POTEC: variants seen among roughly 807,000 people sequenced by gnomAD.
POTEC encodes POTE ankyrin domain family member C, also known as ANKRD26-like family B member 2.
A neutral mutation model predicts 62.0 loss-of-function variants in POTEC; 35 were observed. The observed-to-expected ratio is 0.56, with a 90% confidence interval of 0.43 to 0.75. The LOEUF is 0.75. POTEC is among the 30% of genes least tolerant of loss of function. The probability of loss-of-function intolerance (pLI) is 0.00; values close to 1 mark genes in which losing one functional copy is unlikely to be tolerated. For missense variants in POTEC, 472 were observed against 655.9 expected, an observed-to-expected ratio of 0.72 and a Z score of 3.06; for synonymous variants, 156 against 221.5, an observed-to-expected ratio of 0.70 and a Z score of 2.62.
intron 8 of POTEC, among the ~76,000 whole-genome samples, 193 bp from the exon 9 acceptor site, chr18:14,522,613 C>A (rs191101309): frequency 2.2e-4 from 33 of 152,168 alleles, no homozygotes; most frequent in Admixed American, 2.0e-3. Context: ...ATTAGTATAT[C>A]ATTGAAATTT....
chr18:14,522,484 T>C, intron 8 of POTEC, 64 bp from the exon 9 acceptor site: 8 of 1,504,224 alleles, frequency 5.3e-6, no homozygotes, highest in Non-Finnish European at 7.1e-6. Flanking sequence ...ACCTTTTTAA[T>C]TGATTTTATC....
At position 14,524,958 on chromosome 18, in the gene POTEC, C is replaced by A. The variant is rs1910399578; in HGVS notation, c.1152G>T (p.Glu384Asp). ...TGACTTTAAGCCTTTGTGACTCTTC[C>A]TCTGATGTTAGCTTTAAGTCTTGTT... is the stretch of plus-strand genomic sequence containing the variant. ...NPEQDLKLTS[E>D]EESQRLKVSE... The change falls in exon 7 of 11, where the codon GAG becomes GAT. Residue 384 changes from glutamate to aspartate, a missense_variant. Glu to Asp is a conservative substitution (Grantham distance 45). Around this residue, in one of 5 missense-constraint regions of POTEC, gnomAD observed 83 missense variants for 254.3 expected, o/e 0.33. Transcript: ENST00000358970. The A allele has an allele frequency of 6.2e-7, 1 of 1,604,532 alleles. No individual in the cohort carries two copies. Among genetic ancestry groups the A allele is most frequent in the East Asian group, 2.2e-5 (1 of 44,512 alleles).
rs1909921325 is a variant in POTEC, at chr18:14,509,010, C to T, written c.*2888G>A. On this transcript the variant is annotated 3_prime_UTR_variant, in exon 11 of 11. Transcript: ENST00000358970. ...GATTTTAAGGGGCCAACATGCAGCT[C>T]CCAATTCTTGGACTGTGTGCTTTAA... is the stretch of plus-strand genomic sequence containing the variant. The T allele has an allele frequency of 6.6e-6, 1 of 152,190 alleles. No homozygotes were observed. Among genetic ancestry groups the T allele is most frequent in the Non-Finnish European group, 1.5e-5 (1 of 68,042 alleles). The allele number at this position is 152,190 out of a possible 1,614,324, so 9.4% of individuals were successfully genotyped here.
chr18:14,539,211 T>TTC (rs538878874), intron 1 of POTEC, among the ~76,000 whole-genome samples: 1 of 152,022 alleles, frequency 6.6e-6, no homozygotes, highest in East Asian at 2.0e-4. Context: ...ATATTAGGAT[T>TTC]TAAGACTGTT....
chr18:14,529,126 T>A (rs71219743), intron 6 of POTEC: 1 of 397,132 alleles, frequency 2.5e-6, no homozygotes, highest in Non-Finnish European at 4.9e-6. Flanking sequence ...TCATCACATA[T>A]GTCTGGCACA....
At chr18:14,521,584 C>T (rs1273899555) in intron 9 of POTEC, among the ~76,000 whole-genome samples, 1 of 152,054 alleles carries the variant, frequency 6.6e-6, no homozygotes, top group Non-Finnish European at 1.5e-5. Flanking sequence ...CTTAACATAC[C>T]TACATATCCT....
intron 3 of POTEC, among the ~76,000 whole-genome samples, chr18:14,537,253 C>T (rs1905773689): frequency 6.9e-6 from 1 of 145,186 alleles, no homozygotes; most frequent in African/African-American, 2.6e-5. Context: ...ATGGTCTTTT[C>T]CCCCATTACC....
In POTEC at chr18:14,507,903, T is replaced by C. The variant is rs1598474172; in HGVS notation, c.*3995A>G. On this transcript the variant is annotated 3_prime_UTR_variant, in exon 11 of 11. Transcript: ENST00000358970. ...TTTTCTTTGAAATGTTGAATGTCTT[T>C]TCTGGCTTGTACAGTTTCAGTTGAG... 1 of 152,234 alleles carries C rather than the reference T, an allele frequency of 6.6e-6. No individual in the cohort carries two copies. Among genetic ancestry groups the C allele is most frequent in the African/African-American group, 2.4e-5 (1 of 41,464 alleles). The allele number at this position is 152,234 out of a possible 1,614,324, so 9.4% of individuals were successfully genotyped here.
intron 1 of POTEC, among the ~76,000 whole-genome samples, chr18:14,539,508 T>C (rs1041708295): frequency 4.2e-5 from 6 of 144,120 alleles, no homozygotes; most frequent in African/African-American, 1.6e-4. Context: ...AGCTCCCACC[T>C]ATAAGTGAGA....
chr18:14,529,426 G>A, intron 6 of POTEC, among the ~76,000 whole-genome samples: 1 of 152,094 alleles, frequency 6.6e-6, no homozygotes, highest in East Asian at 1.9e-4. Flanking sequence ...GCACCTTAAG[G>A]ATCAAAACTA....
At chr18:14,519,834 A>G (rs992947470) in intron 9 of POTEC, among the ~76,000 whole-genome samples, 6 of 152,110 alleles carry the variant, frequency 3.9e-5, no homozygotes, top group African/African-American at 1.4e-4. Flanking sequence ...TGATGAATGG[A>G]CTAGAAAGGT....
In POTEC at chr18:14,543,370, A is replaced by G; in HGVS notation, c.-224T>C. 1.4e-6 allele frequency: 1 copy of G among 728,146 alleles called. No homozygotes were observed. The highest frequency in any genetic ancestry group is 2.2e-6 in the Non-Finnish European group (1 of 450,216). 45.1% of individuals were successfully genotyped at this position (728,146 alleles called of 1,614,324 possible). ...CGCCCACCAGGGGGACCCAACGCCC[A>G]CCCCAGGAAAGGCCAAGCCCCCCCT... On this transcript the variant is annotated 5_prime_UTR_variant, in exon 1 of 11. Coordinates refer to ENST00000358970, the MANE Select transcript of POTEC (RefSeq NM_001137671.2).
intron 3 of POTEC, among the ~76,000 whole-genome samples, chr18:14,537,329 A>G (rs567094836): frequency 2.0e-5 from 3 of 151,744 alleles, no homozygotes; most frequent in South Asian, 4.2e-4. Context: ...CTGCCTCATG[A>G]GCAATCAGAA....
At chr18:14,523,373 G>A (rs1387110220) in intron 8 of POTEC, 90 bp downstream of exon 8, 9 of 1,251,762 alleles carry the variant, frequency 7.2e-6, no homozygotes, top group Non-Finnish European at 8.7e-6. Context: ...TTACATGATA[G>A]GATCATGTAT....
In POTEC at chr18:14,511,515, TCTCA is replaced by T. The variant is rs1199743043; in HGVS notation, c.*379_*382del. ...CAGCGTTAGAGTTGTTCAGAAAGAA[TCTCA>T]CTGTTATCTTTTAGGTGAGATATAT... is the stretch of plus-strand genomic sequence containing the variant. On this transcript the variant is annotated 3_prime_UTR_variant, in exon 11 of 11. Coordinates refer to ENST00000358970, the MANE Select transcript of POTEC (RefSeq NM_001137671.2). 4 of 282,074 alleles carry T rather than the reference TCTCA, an allele frequency of 1.4e-5. No homozygotes were observed. The highest frequency in any genetic ancestry group is 2.6e-5 in the Non-Finnish European group (4 of 152,940). 17.5% of individuals were successfully genotyped at this position (282,074 alleles called of 1,614,324 possible).
Position 14,543,194 on chromosome 18 carries a change from C to A in POTEC, c.-48G>T. ...GCCGGTAGTAGCGAACAGATCGCGT[C>A]TACCAACCAGTTTCACCAACTAGCA... On this transcript the variant is annotated 5_prime_UTR_variant, in exon 1 of 11. Transcript: ENST00000358970. 5 of 1,610,668 alleles carry A rather than the reference C, an allele frequency of 3.1e-6. No individual in the cohort carries two copies. The highest frequency in any genetic ancestry group is 4.2e-6 in the Non-Finnish European group (5 of 1,177,970).
Position 14,542,785 on chromosome 18 carries a change from C to T in POTEC, c.362G>A (p.Gly121Glu). 6.2e-7 allele frequency: 1 copy of T among 1,613,836 alleles called. No individual in the cohort carries two copies. The highest frequency in any genetic ancestry group is 8.5e-7 in the Non-Finnish European group (1 of 1,179,874). The part of the protein sequence containing the change: ...GSGKSNVGAW[G>E]DYDDSAFMEP... Reference sequence around the variant, plus strand: ...CATGAAGGCGCTGTCGTCGTAGTCTCCCCAAGCGCCCACGTTGCTCTTGCC... The same window carrying T: ...CATGAAGGCGCTGTCGTCGTAGTCTTCCCAAGCGCCCACGTTGCTCTTGCC... The change falls in exon 1 of 11, where the codon GGA becomes GAA. Residue 121 changes from glycine to glutamate, a missense_variant. Gly to Glu is a moderately conservative substitution (Grantham distance 98). Transcript: ENST00000358970.
chr18:14,542,772 G>C lies in POTEC; in HGVS notation c.375C>G (p.Asp125Glu), dbSNP rs1339174252. 6.2e-7 allele frequency: 1 copy of C among 1,613,752 alleles called. No individual in the cohort carries two copies. The highest frequency in any genetic ancestry group is 2.2e-5 in the East Asian group (1 of 44,868). The change falls in exon 1 of 11, where the codon GAC (aspartate) becomes GAG (glutamate). Residue 125 changes from aspartate to glutamate, a missense_variant. Coordinates refer to ENST00000358970, the MANE Select transcript of POTEC (RefSeq NM_001137671.2). The stretch of plus-strand genomic sequence containing the variant: ...GGTACCTCGGCTCCATGAAGGCGCT[G>C]TCGTCGTAGTCTCCCCAAGCGCCCA... ...SNVGAWGDYD[D>E]SAFMEPRYHV... is the part of the protein sequence containing the mutation.
At chr18:14,533,882 T>C (rs1415750479) in intron 4 of POTEC, among the ~76,000 whole-genome samples, 2 of 151,862 alleles carry the variant, frequency 1.3e-5, no homozygotes, top group Non-Finnish European at 2.9e-5. Flanking sequence ...TCTCTTTTTT[T>C]TTTTTCCATG....
Sources: allele counts gnomAD v4.1 joint callset (sites outside exome capture counted in the v4.1 genomes callset), GRCh38; gene constraint gnomAD v4.1.1; regional missense constraint gnomAD v4.1.1; transcripts MANE v1.5; gene names NCBI Gene and HGNC (gene_info 2026-07-23, HGNC 2026-07-21).